EYS: variants seen among roughly 807,000 people sequenced by gnomAD.
EYS encodes protein eyes shut homolog.
A neutral mutation model predicts 282.1 loss-of-function variants in EYS; 250 were observed. The observed-to-expected ratio is 0.89, with a 90% CI of 0.80 to 0.98. EYS has a LOEUF of 0.98. EYS is among the 50% of genes least tolerant of loss of function. EYS has a pLI of 0.00. For missense variants in EYS, 4,016 were observed against 3,709.0 expected, an observed-to-expected ratio of 1.08 and a Z score of -2.15; for synonymous variants, 1,355 against 1,282.9, an observed-to-expected ratio of 1.06 and a Z score of -1.20.
At chr6:65,650,186 A>G (rs935404276) in intron 1 of EYS, among the ~76,000 whole-genome samples, 1 of 152,206 alleles carries the variant, frequency 6.6e-6, no homozygotes, top group Non-Finnish European at 1.5e-5. Context: ...GGCAAAATAG[A>G]GAGAAAAGAC....
intron 12 of EYS, among the ~76,000 whole-genome samples, chr6:65,234,014 T>C (rs1159433581): frequency 6.6e-6 from 1 of 152,186 alleles, no homozygotes; most frequent in Admixed American, 6.6e-5. Flanking sequence ...CCTGATTCTA[T>C]CACATTTCCG....
rs36018580 is a variant in EYS at position 64,709,019 on chromosome 6, T to TACACACACACACACAC, written c.3444-82790_3444-82775dup. Among the ~76,000 whole-genome samples the TACACACACACACACAC allele has an allele frequency of 4.1e-3, 625 of 151,084 alleles. 6 individuals carry two copies. The highest frequency in any genetic ancestry group is 0.014 in the African/African-American group (583 of 41,198). On this transcript the variant is annotated intron_variant, in intron 22 of 42. Coordinates refer to ENST00000503581, the MANE Select transcript of EYS (RefSeq NM_001142800.2). Reference sequence around the variant, plus strand: ...TGATTGCCTGGCATACATGCACACATACACACACACACACACACAGCAGTA... The same window carrying TACACACACACACACAC: ...TGATTGCCTGGCATACATGCACACATACACACACACACACACACACACACACACACACACAGCAGTA...
intron 8 of EYS, among the ~76,000 whole-genome samples, chr6:65,377,205 A>G (rs9445533): frequency 0.41 from 62,819 of 152,014 alleles, 13,974 homozygotes; most frequent in South Asian, 0.51. Flanking sequence ...AATCAAATTA[A>G]AACTCAGGAT....
chr6:64,041,848 A>G (rs1307803854), intron 33 of EYS, among the ~76,000 whole-genome samples: 2 of 152,198 alleles, frequency 1.3e-5, no homozygotes, highest in East Asian at 3.8e-4. Flanking sequence ...GAAAACAAAT[A>G]TGGGTCTGTA....
intron 30 of EYS, among the ~76,000 whole-genome samples, chr6:64,277,103 C>T (rs892947608): frequency 1.3e-5 from 2 of 152,074 alleles, no homozygotes; most frequent in African/African-American, 4.8e-5. Context: ...AGAAATTCTC[C>T]AAATTCATCT....
chr6:65,287,472 T>A (rs967930706), intron 12 of EYS, among the ~76,000 whole-genome samples: 2 of 151,526 alleles, frequency 1.3e-5, no homozygotes, highest in Admixed American at 1.3e-4. Context: ...ACATCAAATA[T>A]TTTGTGTTGC....
At chr6:65,316,611 C>T (rs1281052184) in intron 11 of EYS, among the ~76,000 whole-genome samples, 2 of 150,132 alleles carry the variant, frequency 1.3e-5, no homozygotes, top group East Asian at 1.9e-4. Flanking sequence ...GGTATTTCTC[C>T]TAATGCTATC....
At chr6:64,195,557 C>G (rs1262322112) in intron 31 of EYS, among the ~76,000 whole-genome samples, 2 of 152,130 alleles carry the variant, frequency 1.3e-5, no homozygotes, top group Non-Finnish European at 2.9e-5. Context: ...CCTCGACCTC[C>G]CAAAGTGCTG....
chr6:64,532,450 C>T (rs1344975910), intron 26 of EYS, among the ~76,000 whole-genome samples: 5 of 152,164 alleles, frequency 3.3e-5, no homozygotes. Context: ...TGGCTCACGC[C>T]TGTAATCCCA....
chr6:65,558,156 C>T (rs555134966), intron 2 of EYS, among the ~76,000 whole-genome samples: 1 of 152,312 alleles, frequency 6.6e-6, no homozygotes, highest in East Asian at 1.9e-4. Context: ...CTCCTACTGC[C>T]ATCAACATGC....
At chr6:64,618,707 A>G (rs1314069462) in intron 23 of EYS, among the ~76,000 whole-genome samples, 1 of 152,178 alleles carries the variant, frequency 6.6e-6, no homozygotes, top group East Asian at 1.9e-4. Context: ...CAAACTTAGA[A>G]ATAGCGGCCA....
At chr6:65,236,610 A>T (rs1766931532) in intron 12 of EYS, among the ~76,000 whole-genome samples, 1 of 138,378 alleles carries the variant, frequency 7.2e-6, no homozygotes, top group South Asian at 2.2e-4. Flanking sequence ...TCTGTCTCAA[A>T]TAAAAAAAAA....
chr6:65,051,547 G>T (rs540988133), intron 13 of EYS, among the ~76,000 whole-genome samples: 1 of 151,654 alleles, frequency 6.6e-6, no homozygotes, highest in East Asian at 1.9e-4. Context: ...CACATTTTGA[G>T]GTGGTGAGAA....
At chr6:63,786,890 T>C (rs185072832) in intron 39 of EYS, among the ~76,000 whole-genome samples, 1 of 152,096 alleles carries the variant, frequency 6.6e-6, no homozygotes, top group Non-Finnish European at 1.5e-5. Context: ...TTGGGAACCA[T>C]GGATTTATGG....
intron 26 of EYS, among the ~76,000 whole-genome samples, chr6:64,500,521 G>A (rs752783689): frequency 9.4e-4 from 142 of 151,574 alleles, no homozygotes; most frequent in Non-Finnish European, 1.9e-3. Context: ...GTGCATTTCT[G>A]AGAAAAAAAA....
intron 26 of EYS, among the ~76,000 whole-genome samples, chr6:64,445,374 A>T (rs1235005307): frequency 6.6e-6 from 1 of 152,172 alleles, no homozygotes; most frequent in African/African-American, 2.4e-5. Context: ...ATTGTCTAGA[A>T]TTAAATAATA....
At chr6:64,011,966 G>A (rs927871381) in intron 33 of EYS, among the ~76,000 whole-genome samples, 3 of 151,376 alleles carry the variant, frequency 2.0e-5, no homozygotes, top group Non-Finnish European at 2.9e-5. Flanking sequence ...TTTTGGGCAT[G>A]CATTAACATT....
chr6:65,030,757 G>A (rs941581290), intron 13 of EYS, among the ~76,000 whole-genome samples: 4 of 152,262 alleles, frequency 2.6e-5, no homozygotes, highest in South Asian at 2.1e-4. Flanking sequence ...AATCAAGTCT[G>A]CGTAACAACA....
chr6:64,921,983 A>C (rs1196507639), intron 15 of EYS, among the ~76,000 whole-genome samples: 6 of 152,118 alleles, frequency 3.9e-5, no homozygotes, highest in Admixed American at 2.0e-4. Context: ...AAAAAAAAAA[A>C]CTTGCTTGAA....
Sources: gnomAD v4.1 joint callset for allele counts (sites outside exome capture counted in the v4.1 genomes callset) on GRCh38, gnomAD v4.1.1 for gene constraint, MANE v1.5 for transcripts, NCBI Gene and HGNC (gene_info 2026-07-23, HGNC 2026-07-21) for gene names.